The following NLRP9 variants were observed in gnomAD, a reference collection of about 807,000 sequenced individuals.
NLRP9 encodes the protein NACHT, LRR and PYD domains-containing protein 9.
Under a neutral mutation model 83.1 loss-of-function variants are expected in NLRP9, and 88 were observed. The observed-to-expected ratio is 1.06, with a 90% confidence interval of 0.89 to 1.26. NLRP9 has a LOEUF of 1.26. NLRP9 is among the 50% of genes most tolerant of loss of function. NLRP9 has a pLI of 0.00. For synonymous variants in NLRP9, 521 were observed against 447.6 expected (o/e 1.16, Z -2.07); for missense variants, 1,308 against 1,179.3 (o/e 1.11, Z -1.60).
intron 2 of NLRP9, among the ~76,000 whole-genome samples, chr19:55,731,372 A>C (rs1988563536): frequency 6.6e-6 from 1 of 152,036 alleles, no homozygotes; most frequent in Admixed American, 6.6e-5. Context: ...TGAAAAAAAA[A>C]AAGAAGAAAA....
At chr19:55,726,004 G>A (rs1988390626) in intron 3 of NLRP9, among the ~76,000 whole-genome samples, 1 of 151,838 alleles carries the variant, frequency 6.6e-6, no homozygotes, top group African/African-American at 2.4e-5. Flanking sequence ...CCAGCCTAGG[G>A]GACAGAGCGA....
Position 55,738,107 on chromosome 19 carries a change from C to G in NLRP9, c.268G>C (p.Glu90Gln). 6.2e-7 allele frequency: 1 copy of G among 1,614,148 alleles called. No homozygotes were observed. Among genetic ancestry groups the G allele is most frequent in the Non-Finnish European group, 8.5e-7 (1 of 1,180,018 alleles). ...NRKDLWTKAQ[E>Q]EMRNKLNPYR... The stretch of plus-strand genomic sequence containing the variant: ...ATCCAGCACTTACTTCTCATCTCTT[C>G]CTGAGCCTTTGTCCAGAGATCTTTC... Residue 90 changes from glutamate (E) to glutamine (Q), a missense_variant, in exon 1 of 9, where the codon GAA (glutamate) becomes CAA (glutamine). Glu to Gln is a conservative substitution (Grantham distance 29, BLOSUM62 2). Coordinates refer to ENST00000332836, the MANE Select transcript of NLRP9 (RefSeq NM_176820.4).
At chr19:55,712,352 G>C in intron 7 of NLRP9, 68 bp downstream of exon 7, 1 of 1,348,498 alleles carries the variant, frequency 7.4e-7, no homozygotes, top group Non-Finnish European at 1.0e-6. Context: ...CCATTCTATT[G>C]ACCCTCCAGC....
chr19:55,712,065 G>A lies in NLRP9; in HGVS notation c.2673-95C>T, dbSNP rs1166312547. The A allele has an allele frequency of 5.8e-5, 73 of 1,257,706 alleles. No homozygotes were observed. The Admixed American group carries it at 1.4e-3, about 23-fold the overall frequency. 77.9% of individuals were successfully genotyped at this position (1,257,706 alleles called of 1,614,324 possible). On this transcript the variant is annotated intron_variant, in intron 7 of 8. Transcript: ENST00000332836. ...TTGCTAATTACACACCTCCCGGCAG[G>A]ACGCTCTGCTGTCTAGACCCGGGCT... is the stretch of plus-strand genomic sequence containing the variant.
rs771829924 is a variant in NLRP9 at position 55,715,056 on chromosome 19, A to G, written c.2500T>C (p.Trp834Arg). 5 of 1,606,120 alleles carry G rather than the reference A, an allele frequency of 3.1e-6. No homozygotes were observed. Among genetic ancestry groups the G allele is most frequent in the East Asian group, 2.2e-5 (1 of 44,752 alleles). Residue 834 changes from tryptophan (W) to arginine (R), a missense_variant and splice_region_variant, in exon 6 of 9, where the codon TGG (tryptophan) becomes CGG (arginine). Transcript: ENST00000332836. ...GAAGCAAATCATGGCCGGTCCTACC[A>G]CAGCTCCCGTATGCTGCAGCCTGGG... is the stretch of plus-strand genomic sequence containing the variant. ...KHPGCSIREL[W>R]LMGCFLTSDS...
chr19:55,720,327 A>T (rs1988185830), intron 4 of NLRP9, among the ~76,000 whole-genome samples: 1 of 152,062 alleles, frequency 6.6e-6, no homozygotes, highest in Admixed American at 6.6e-5. Flanking sequence ...GCTTGGAAAC[A>T]ATTATTTTCT....
Position 55,708,893 on chromosome 19 carries a change from T to G in NLRP9, c.*19A>C, listed in dbSNP as rs745590282. 4 of 1,504,974 alleles carry G rather than the reference T, an allele frequency of 2.7e-6. No homozygotes were observed. Among genetic ancestry groups the G allele is most frequent in the South Asian group, 2.7e-5 (2 of 74,784 alleles). 93.2% of individuals were successfully genotyped at this position (1,504,974 alleles called of 1,614,324 possible). A position where few individuals can be genotyped will look rare whatever the true frequency, so the allele number is the denominator to read the frequency against. ...CCAAGGAAAGCCTTTGTGAGACGAC[T>G]ACTTCAGGGTGTTCCCCATCAGAGG... is the stretch of plus-strand genomic sequence containing the variant. On this transcript the variant is annotated 3_prime_UTR_variant, in exon 9 of 9. Transcript: ENST00000332836.
intron 3 of NLRP9, among the ~76,000 whole-genome samples, chr19:55,725,909 C>T (rs1265492883): frequency 3.3e-5 from 5 of 151,798 alleles, no homozygotes; most frequent in Non-Finnish European, 5.9e-5. Flanking sequence ...ACCTGTAGTC[C>T]CAGCTACTGG....
In NLRP9 at chr19:55,723,983, A is replaced by T; in HGVS notation, c.2156T>A (p.Leu719Gln). The T allele has an allele frequency of 1.2e-6, 2 of 1,610,938 alleles. No homozygotes were observed. The highest frequency in any genetic ancestry group is 1.7e-6 in the Non-Finnish European group (2 of 1,178,844). ...GGCATGAACAGCCCGGACTTACATC[A>T]GCTCTTCTATCTTGCACATTGGATG... ...LKHPMCKIEE[L>Q]ILGKCDISSE... The change falls in exon 4 of 9, where the codon CTG becomes CAG. Residue 719 changes from leucine (L) to glutamine (Q), a missense_variant. Transcript: ENST00000332836.
At chr19:55,710,915 G>A (rs1161367350) in intron 8 of NLRP9, among the ~76,000 whole-genome samples, 3 of 151,910 alleles carry the variant, frequency 2.0e-5, no homozygotes, top group Non-Finnish European at 4.4e-5. Context: ...GTGAAACCCC[G>A]TCTCTACTAA....
Position 55,708,992 on chromosome 19 carries a change from C to T in NLRP9, c.2896G>A (p.Glu966Lys), listed in dbSNP as rs1449314830. 2 of 1,594,700 alleles carry T rather than the reference C, an allele frequency of 1.3e-6. No homozygotes were observed. The highest frequency in any genetic ancestry group is 1.8e-5 in the Admixed American group (1 of 56,084). Residue 966 changes from glutamate (E) to lysine (K), a missense_variant, in exon 9 of 9, where the codon GAA becomes AAA. Glu to Lys is a moderately conservative substitution (Grantham distance 56). Transcript: ENST00000332836. Reference sequence around the variant, plus strand: ...ATGGTCAGATGGGGAATTTTTTCTTCCACAGACATCAGGATCTTCTGAGTT... The same window carrying T: ...ATGGTCAGATGGGGAATTTTTTCTTTCACAGACATCAGGATCTTCTGAGTT... ...EETQKILMSV[E>K]EKIPHLTISH...
At chr19:55,724,231 A>C (rs1038012131) in intron 3 of NLRP9, 87 bp from the exon 4 acceptor site, 10 of 850,952 alleles carry the variant, frequency 1.2e-5, no homozygotes, top group African/African-American at 3.5e-5. Flanking sequence ...TCCTGCCCTG[A>C]ATGCTGGGCC....
rs375754809 is a variant in NLRP9, at chr19:55,711,855, C to T, written c.2788G>A (p.Val930Met). ...CTCAATGCCTCACACAGCACCACCA[C>T]TGCATCAGCATCCAAGGCAATCCAG... ...LDWIALDADAVVVLCEALSHP... is the reference protein window; with the variant it reads ...LDWIALDADAMVVLCEALSHP... The change falls in exon 8 of 9, where the codon GTG becomes ATG. Residue 930 changes from valine (V) to methionine (M), a missense_variant. Physicochemically the swap from Val to Met is conservative, Grantham distance 21. Coordinates refer to ENST00000332836, the MANE Select transcript of NLRP9 (RefSeq NM_176820.4). 1.2e-6 allele frequency: 2 copies of T among 1,613,316 alleles called. No individual in the cohort carries two copies. The highest frequency in any genetic ancestry group is 1.7e-6 in the Non-Finnish European group (2 of 1,179,984).
chr19:55,713,545 CGCCAGGAGAGAAAGTGCCCCTG>C (rs1568593318), intron 6 of NLRP9, among the ~76,000 whole-genome samples: 1 of 147,178 alleles, frequency 6.8e-6, no homozygotes, highest in African/African-American at 2.5e-5. Context: ...TGGTCTACCA[CGCCAGGAGAGAAAGTGCCCCTG>C]GCACCTTCTC....
chr19:55,715,269 C>T, intron 5 of NLRP9, 44 bp from the exon 6 acceptor site: 3 of 1,521,558 alleles, frequency 2.0e-6, no homozygotes, highest in Non-Finnish European at 2.7e-6. Flanking sequence ...AACAGCAGTA[C>T]ATCATTCTGC....
At position 55,708,717 on chromosome 19, in the gene NLRP9, T is replaced by G. The variant is rs1184768137; in HGVS notation, c.*195A>C. On this transcript the variant is annotated 3_prime_UTR_variant, in exon 9 of 9. Coordinates refer to ENST00000332836, the MANE Select transcript of NLRP9 (RefSeq NM_176820.4). ...TGGGATTTCTAAAGACAAGGGGATATAGGACCGAGGCAAAGACAATCAGCA... is the reference window on the plus strand; with the variant it reads ...TGGGATTTCTAAAGACAAGGGGATAGAGGACCGAGGCAAAGACAATCAGCA... 1 of 433,898 alleles carries G rather than the reference T, an allele frequency of 2.3e-6. No homozygotes were observed. Among genetic ancestry groups the G allele is most frequent in the Non-Finnish European group, 4.1e-6 (1 of 244,274 alleles). The allele number at this position is 433,898 out of a possible 1,614,324, so 26.9% of individuals were successfully genotyped here.
Position 55,732,854 on chromosome 19 carries a change from T to C in NLRP9, c.977A>G (p.Asp326Gly). 6.2e-7 allele frequency: 1 copy of C among 1,614,108 alleles called. No individual in the cohort carries two copies. Among genetic ancestry groups the C allele is most frequent in the Non-Finnish European group, 8.5e-7 (1 of 1,180,012 alleles). Residue 326 changes from aspartate to glycine, a missense_variant, in exon 2 of 9, where the codon GAT (aspartate) becomes GGT (glycine). Transcript: ENST00000332836. ...KALKVFNFVR[D>G]NGPLFILCHN... ...GCACAAGATAAACAGCGGCCCATTA[T>C]CTCTCACAAAATTGAAGACTTTCAG... is the stretch of plus-strand genomic sequence containing the variant.
Position 55,715,175 on chromosome 19 carries a change from A to T in NLRP9, c.2381T>A (p.Val794Asp). The change falls in exon 6 of 9, where the codon GTC becomes GAC. Residue 794 changes from valine to aspartate, a missense_variant. By Grantham distance (152) the Val-to-Asp change is radical. Transcript: ENST00000332836. ...TSVSCDSISE[V>D]LLCSKSLSLL... ...GGACAGGGACTTACTGCACAAGAGG[A>T]CTTCGGAAATGGAGTCACAGGAGAC... 1 of 1,613,436 alleles carries T rather than the reference A, an allele frequency of 6.2e-7. No homozygotes were observed. The highest frequency in any genetic ancestry group is 1.3e-5 in the African/African-American group (1 of 75,010).
intron 8 of NLRP9, chr19:55,709,524 CACCCATAAA>C (rs1449029494): frequency 6.6e-6 from 1 of 152,442 alleles, no homozygotes; most frequent in Non-Finnish European, 1.5e-5. Context: ...GCACATGCTA[CACCCATAAA>C]TATGTCAAAC....
Sources: gnomAD v4.1 joint callset for allele counts (sites outside exome capture counted in the v4.1 genomes callset) on GRCh38, gnomAD v4.1.1 for gene constraint, MANE v1.5 for transcripts, NCBI Gene and HGNC (gene_info 2026-07-23, HGNC 2026-07-21) for gene names.